NRP1: variants seen among roughly 807,000 people sequenced by gnomAD.
The protein encoded by NRP1 is neuropilin-1.
Under a neutral mutation model 106.7 loss-of-function variants are expected in NRP1, and 35 were observed. The ratio of observed to expected loss-of-function variants is 0.33; its 90% CI spans 0.25 to 0.43. The LOEUF is 0.43. Ranked by LOEUF, NRP1 falls within the 20% of genes least tolerant of loss-of-function variation. NRP1 has a pLI of 1.00. For missense variants in NRP1, 1,024 were observed against 1,170.4 expected, an observed-to-expected ratio of 0.87 and a Z score of 1.83; for synonymous variants, 437 against 417.9, an observed-to-expected ratio of 1.05 and a Z score of -0.56.
chr10:33,303,262 T>C (rs1255122320), intron 2 of NRP1, among the ~76,000 whole-genome samples: 2 of 152,204 alleles, frequency 1.3e-5, no homozygotes, highest in African/African-American at 4.8e-5. Flanking sequence ...CTTTCCTGAA[T>C]GCATCTTATC....
intron 6 of NRP1, among the ~76,000 whole-genome samples, chr10:33,246,493 G>T (rs1841434699): frequency 6.6e-6 from 1 of 152,036 alleles, no homozygotes; most frequent in Non-Finnish European, 1.5e-5. Flanking sequence ...AGCACCAAAA[G>T]CTCACCTTGG....
At chr10:33,268,154 G>A (rs1443507307) in intron 3 of NRP1, among the ~76,000 whole-genome samples, 1 of 152,142 alleles carries the variant, frequency 6.6e-6, no homozygotes, top group East Asian at 1.9e-4. Flanking sequence ...GTGTGTGTGT[G>A]TATACATATA....
chr10:33,254,459 G>A (rs1842068536), intron 5 of NRP1, among the ~76,000 whole-genome samples: 2 of 152,190 alleles, frequency 1.3e-5, no homozygotes, highest in South Asian at 4.1e-4. Flanking sequence ...AGGAAATGAT[G>A]AAAATTCTGA....
intron 2 of NRP1, among the ~76,000 whole-genome samples, chr10:33,277,438 C>T (rs1392030106): frequency 6.6e-6 from 1 of 152,262 alleles, no homozygotes; most frequent in Admixed American, 6.5e-5. Flanking sequence ...CTCACACCAG[C>T]ACTGTGGGCC....
At chr10:33,215,838 G>A (rs907414431) in intron 8 of NRP1, among the ~76,000 whole-genome samples, 1 of 152,152 alleles carries the variant, frequency 6.6e-6, no homozygotes, top group Non-Finnish European at 1.5e-5. Context: ...TTTTCAGTCA[G>A]GCATGCAGGC....
Position 33,209,109 on chromosome 10 carries a change from G to A in NRP1, c.1615-1393C>T, listed in dbSNP as rs535256715. On this transcript the variant is annotated intron_variant, in intron 9 of 16. Transcript: ENST00000374867. ...TTTAGTAGAGATGGGGTTTCACCAC[G>A]TTGGCCAGGCTGGTCTTGAACTCCT... Among the ~76,000 whole-genome samples the A allele has an allele frequency of 5.8e-4, 88 of 152,108 alleles. 1 individual carries two copies. In the East Asian group the frequency reaches 0.016, roughly 27 times the overall value.
At chr10:33,307,692 A>C (rs1846269151) in intron 2 of NRP1, among the ~76,000 whole-genome samples, 1 of 152,220 alleles carries the variant, frequency 6.6e-6, no homozygotes, top group Non-Finnish European at 1.5e-5. Context: ...TTATGCATAC[A>C]GATGTTCATT....
chr10:33,217,668 T>C (rs1010989183), intron 8 of NRP1, among the ~76,000 whole-genome samples: 48 of 152,230 alleles, frequency 3.2e-4, no homozygotes, highest in Non-Finnish European at 6.0e-4. Context: ...TTAGTACACA[T>C]ATGTCTCAAA....
chr10:33,324,135 T>C (rs1463642159), intron 2 of NRP1, among the ~76,000 whole-genome samples: 1 of 152,162 alleles, frequency 6.6e-6, no homozygotes, highest in Non-Finnish European at 1.5e-5. Context: ...TAAGGGATAA[T>C]AAAGAAAATT....
intron 6 of NRP1, among the ~76,000 whole-genome samples, chr10:33,237,583 T>C (rs1588808403): frequency 2.3e-5 from 3 of 128,686 alleles, no homozygotes; most frequent in Admixed American, 2.2e-4. Flanking sequence ...CTTCTTTTTT[T>C]TTTTTTTTTT....
intron 2 of NRP1, among the ~76,000 whole-genome samples, chr10:33,282,122 T>C (rs1286046341): frequency 8.3e-6 from 1 of 120,210 alleles, no homozygotes; most frequent in Non-Finnish European, 1.8e-5. Flanking sequence ...ATATATACCA[T>C]AGTATGTTTT....
chr10:33,301,359 G>A (rs1454586335), intron 2 of NRP1, among the ~76,000 whole-genome samples: 1 of 152,164 alleles, frequency 6.6e-6, no homozygotes, highest in Non-Finnish European at 1.5e-5. Flanking sequence ...CTGGATGACA[G>A]CGTATAAAAG....
At chr10:33,293,099 G>C (rs947866185) in intron 2 of NRP1, among the ~76,000 whole-genome samples, 1 of 152,020 alleles carries the variant, frequency 6.6e-6, no homozygotes, top group African/African-American at 2.4e-5. Context: ...CTTCCGATTT[G>C]TCTTGTTTCA....
At chr10:33,206,209 C>G (rs777403455) in intron 10 of NRP1, 2 of 519,000 alleles carry the variant, frequency 3.9e-6, no homozygotes, top group Non-Finnish European at 7.7e-6. Context: ...ATCCAGGGAG[C>G]AGACTCCTTT....
At chr10:33,204,604 C>T (rs550571303) in intron 10 of NRP1, among the ~76,000 whole-genome samples, 1 of 152,094 alleles carries the variant, frequency 6.6e-6, no homozygotes, top group East Asian at 1.9e-4. Flanking sequence ...AGGGGAGTTC[C>T]GCATTGTAAA....
intron 5 of NRP1, among the ~76,000 whole-genome samples, chr10:33,255,974 T>A (rs956382611): frequency 2.0e-5 from 3 of 152,192 alleles, no homozygotes; most frequent in Non-Finnish European, 4.4e-5. Flanking sequence ...CTGGGATAGA[T>A]GCCTGTCCTC....
chr10:33,288,760 T>C (rs1439301232), intron 2 of NRP1, among the ~76,000 whole-genome samples: 1 of 152,246 alleles, frequency 6.6e-6, no homozygotes, highest in East Asian at 1.9e-4. Context: ...TCATTTATTC[T>C]GTGAAGCTTT....
Position 33,186,443 on chromosome 10 carries a change from C to CAAGG in NRP1, c.2107_2108insCCTT (p.Gly703AlafsTer60). ...AGGGCTCACCAGGCGAGCCACTTTG[C>CAAGG]CCTTCTGATTTTCGTCAGCTTGGGA... On this transcript the variant is annotated frameshift_variant, in exon 14 of 17. Transcript: ENST00000374867. LOFTEE classifies it high-confidence loss of function. 1 of 1,613,916 alleles carries CAAGG rather than the reference C, an allele frequency of 6.2e-7. No homozygotes were observed. The highest frequency in any genetic ancestry group is 8.5e-7 in the Non-Finnish European group (1 of 1,179,888).
intron 6 of NRP1, among the ~76,000 whole-genome samples, chr10:33,247,409 T>C (rs182450648): frequency 6.6e-6 from 1 of 152,292 alleles, no homozygotes; most frequent in Admixed American, 6.5e-5. Context: ...AATTCAAATT[T>C]TGAATCATGA....
Sources: allele counts gnomAD v4.1 joint callset (sites outside exome capture counted in the v4.1 genomes callset), GRCh38; gene constraint gnomAD v4.1.1; transcripts MANE v1.5; gene names NCBI Gene and HGNC (gene_info 2026-07-23, HGNC 2026-07-21).